CHST9: variants seen among roughly 807,000 people sequenced by gnomAD.
The protein encoded by CHST9 is carbohydrate sulfotransferase 9.
In CHST9, 41 loss-of-function variants were observed where a neutral mutation model predicts 44.4. The observed-to-expected ratio is 0.92, with a 90% CI of 0.72 to 1.20. The LOEUF (loss-of-function observed/expected upper bound fraction) is 1.20, where lower values mean the gene tolerates loss of function less well. Ranked by LOEUF, CHST9 falls within the 50% of genes most tolerant of loss-of-function variation. The pLI is 0.00. For synonymous variants in CHST9, 171 were observed against 178.4 expected, an observed-to-expected ratio of 0.96 and a Z score of 0.33; for missense variants, 504 against 516.5, an observed-to-expected ratio of 0.98 and a Z score of 0.23.
chr18:27,083,788 T>TC (rs1409092960), intron 2 of CHST9, among the ~76,000 whole-genome samples: 1 of 152,098 alleles, frequency 6.6e-6, no homozygotes, highest in Non-Finnish European at 1.5e-5. Context: ...TACCCTTGTC[T>TC]CTGTCTGTGA....
chr18:26,918,269 G>A (rs1250108549), intron 5 of CHST9, among the ~76,000 whole-genome samples: 1 of 151,990 alleles, frequency 6.6e-6, no homozygotes, highest in Non-Finnish European at 1.5e-5. Flanking sequence ...TAGGGCTCTG[G>A]GTAGAAAAGT....
At chr18:26,997,544 T>A (rs2056900517) in intron 4 of CHST9, among the ~76,000 whole-genome samples, 1 of 152,242 alleles carries the variant, frequency 6.6e-6, no homozygotes, top group Non-Finnish European at 1.5e-5. Context: ...GTAAAAGGTA[T>A]GTCTTGACAT....
At chr18:26,979,904 C>T (rs1027723056) in intron 4 of CHST9, among the ~76,000 whole-genome samples, 11 of 152,102 alleles carry the variant, frequency 7.2e-5, no homozygotes, top group East Asian at 3.8e-4. Context: ...ACATTTTAAA[C>T]GTATTTTTTC....
At chr18:27,056,508 GT>G (rs1279736430) in intron 2 of CHST9, among the ~76,000 whole-genome samples, 6 of 151,560 alleles carry the variant, frequency 4.0e-5, no homozygotes, top group Non-Finnish European at 5.9e-5. Flanking sequence ...AAGGTGAATT[GT>G]TTTTTTCTGG....
Position 27,078,707 on chromosome 18 carries a change from CTCCA to C in CHST9, c.122-30208_122-30205del, listed in dbSNP as rs2057931702. ...CACTACATTGGACTGTCTCTTCCAT[CTCCA>C]TCCTCTTGTCATCTCTGTATAAAGA... On this transcript the variant is annotated intron_variant, in intron 2 of 5. Transcript: ENST00000618847. Among the ~76,000 whole-genome samples the C allele has an allele frequency of 2.0e-5, 3 of 152,148 alleles. 1 individual carries two copies. The South Asian group carries it at 6.2e-4, about 32-fold the overall frequency.
chr18:27,132,357 A>T (rs972877013), intron 2 of CHST9, among the ~76,000 whole-genome samples: 1 of 152,218 alleles, frequency 6.6e-6, no homozygotes, highest in Non-Finnish European at 1.5e-5. Context: ...CAGATAACAC[A>T]TTTCTGACCT....
intron 4 of CHST9, among the ~76,000 whole-genome samples, chr18:26,969,853 G>A (rs934072463): frequency 1.3e-5 from 2 of 150,764 alleles, no homozygotes; most frequent in African/African-American, 4.9e-5. Flanking sequence ...GTTTGATCTT[G>A]ATACTTTAGT....
intron 1 of CHST9, among the ~76,000 whole-genome samples, chr18:27,158,960 G>A (rs1335443665): frequency 3.3e-5 from 5 of 152,310 alleles, no homozygotes; most frequent in Admixed American, 3.3e-4. Flanking sequence ...GGGGCTGTTT[G>A]TTTTTTTCTT....
chr18:26,989,969 A>C (rs2056797532), intron 4 of CHST9, among the ~76,000 whole-genome samples: 1 of 152,112 alleles, frequency 6.6e-6, no homozygotes. Context: ...GTAAAAAAAT[A>C]AATAAAATTT....
chr18:27,003,824 T>C (rs1448854370), intron 4 of CHST9, among the ~76,000 whole-genome samples: 18 of 152,122 alleles, frequency 1.2e-4, no homozygotes, highest in Non-Finnish European at 1.5e-5. Context: ...ATATACACCA[T>C]GAAATATGTT....
At position 27,127,582 on chromosome 18, in the gene CHST9, G is replaced by A. The variant is rs1004203609; in HGVS notation, c.121+15107C>T. The stretch of plus-strand genomic sequence containing the variant: ...AATTATTCAAAGAAGTTAAAGAGGA[G>A]GGAAGAAATAAATTGGGGGGAATAG... On this transcript the variant is annotated intron_variant, in intron 2 of 5. Coordinates refer to ENST00000618847, the MANE Select transcript of CHST9 (RefSeq NM_031422.6). Among the ~76,000 whole-genome samples, 4 of 152,056 alleles carry A rather than the reference G, an allele frequency of 2.6e-5. 1 individual carries two copies. In the East Asian group the frequency reaches 7.7e-4, roughly 29 times the overall value.
chr18:27,050,267 C>T lies in CHST9; in HGVS notation c.122-1764G>A, dbSNP rs192075992. On this transcript the variant is annotated intron_variant, in intron 2 of 5. Coordinates refer to ENST00000618847, the MANE Select transcript of CHST9 (RefSeq NM_031422.6). Reference sequence around the variant, plus strand: ...ACTAGAAGCCAACTAAAGGTTTTTGCTAAGTTATGGAAATCCTAAGCATGC... The same window carrying T: ...ACTAGAAGCCAACTAAAGGTTTTTGTTAAGTTATGGAAATCCTAAGCATGC... Among the ~76,000 whole-genome samples the T allele has an allele frequency of 4.9e-3, 742 of 152,238 alleles. 21 individuals carry two copies. Among genetic ancestry groups the T allele is most frequent in the Admixed American group, 0.044 (680 of 15,286 alleles).
chr18:26,923,545 T>A (rs2055703098), intron 5 of CHST9, among the ~76,000 whole-genome samples: 1 of 79,246 alleles, frequency 1.3e-5, no homozygotes, highest in African/African-American at 4.3e-5. Flanking sequence ...TGTTGATAAG[T>A]GTTGTACATT....
chr18:27,047,169 T>C (rs1467873712), intron 3 of CHST9, among the ~76,000 whole-genome samples: 1 of 152,062 alleles, frequency 6.6e-6, no homozygotes, highest in African/African-American at 2.4e-5. Context: ...GCCATGACTA[T>C]TGAGGGAACC....
At chr18:27,108,529 G>A (rs1295763497) in intron 2 of CHST9, among the ~76,000 whole-genome samples, 1 of 152,108 alleles carries the variant, frequency 6.6e-6, no homozygotes, top group East Asian at 1.9e-4. Context: ...TACACATACT[G>A]AAAGATAGAT....
At chr18:27,157,882 G>C (rs557211240) in intron 1 of CHST9, among the ~76,000 whole-genome samples, 55 of 152,026 alleles carry the variant, frequency 3.6e-4, no homozygotes, top group Middle Eastern at 3.4e-3. Context: ...GATAATTTTA[G>C]TGTTATGAAT....
At chr18:27,054,588 G>A (rs1359180304) in intron 2 of CHST9, among the ~76,000 whole-genome samples, 3 of 152,072 alleles carry the variant, frequency 2.0e-5, no homozygotes, top group East Asian at 3.9e-4. Context: ...TGAGGTTGTG[G>A]ATATTGTTTC....
At chr18:27,006,643 T>C (rs2057019376) in intron 4 of CHST9, among the ~76,000 whole-genome samples, 1 of 152,230 alleles carries the variant, frequency 6.6e-6, no homozygotes, top group Non-Finnish European at 1.5e-5. Context: ...CTTTTTGTAC[T>C]ACATTTGCTT....
chr18:26,999,443 G>A (rs1241431944), intron 4 of CHST9, among the ~76,000 whole-genome samples: 1 of 152,158 alleles, frequency 6.6e-6, no homozygotes, highest in Non-Finnish European at 1.5e-5. Context: ...TAGCATCACT[G>A]ATGCAGTGTG....
Sources: allele counts gnomAD v4.1 joint callset (sites outside exome capture counted in the v4.1 genomes callset), GRCh38; gene constraint gnomAD v4.1.1; transcripts MANE v1.5; gene names NCBI Gene and HGNC (gene_info 2026-07-23, HGNC 2026-07-21).